Variants in LARS2 observed in about 807,000 individuals in gnomAD.
LARS2 encodes leucine--tRNA ligase, mitochondrial.
In LARS2, 81 loss-of-function variants were observed where a neutral mutation model predicts 116.6. The ratio of observed to expected loss-of-function variants is 0.69; its 90% CI spans 0.58 to 0.84. LARS2 has a LOEUF of 0.84. Ranked by LOEUF, LARS2 falls within the 40% of genes least tolerant of loss-of-function variation. LARS2 has a pLI of 0.00. For missense variants in LARS2, 968 were observed against 1,114.5 expected (o/e 0.87, Z 1.87); for synonymous variants, 396 against 407.2 (o/e 0.97, Z 0.33).
intron 7 of LARS2, among the ~76,000 whole-genome samples, chr3:45,449,218 A>G (rs1455717646): frequency 6.9e-6 from 1 of 145,206 alleles, no homozygotes; most frequent in Non-Finnish European, 1.5e-5. Context: ...GTTGGAGCGC[A>G]ATGGTGTGAT....
intron 9 of LARS2, among the ~76,000 whole-genome samples, 185 bp downstream of exon 9, chr3:45,474,535 T>A (rs999114235): frequency 6.6e-6 from 1 of 152,226 alleles, no homozygotes; most frequent in African/African-American, 2.4e-5. Flanking sequence ...TTCAATAACA[T>A]ATTTTATTTA....
intron 20 of LARS2, among the ~76,000 whole-genome samples, chr3:45,533,561 G>T (rs267248): frequency 0.88 from 134,435 of 152,148 alleles, 61,696 homozygotes; most frequent in East Asian, 1. Context: ...TATATATTTC[G>T]CCCGTTCATC....
At chr3:45,429,698 CTTT>C (rs35874596) in intron 6 of LARS2, among the ~76,000 whole-genome samples, 2 of 108,136 alleles carry the variant, frequency 1.8e-5, no homozygotes, top group Non-Finnish European at 1.8e-5. Context: ...CATCCTTCTG[CTTT>C]TTTTTTTTTT....
At chr3:45,497,184 G>A (rs977146357) in intron 14 of LARS2, among the ~76,000 whole-genome samples, 5 of 151,666 alleles carry the variant, frequency 3.3e-5, no homozygotes, top group African/African-American at 9.7e-5. Flanking sequence ...GTGGCTAAGA[G>A]ACAGGCCTGA....
At chr3:45,439,637 TTA>T (rs1698872552) in intron 6 of LARS2, among the ~76,000 whole-genome samples, 1 of 151,694 alleles carries the variant, frequency 6.6e-6, no homozygotes, top group Non-Finnish European at 1.5e-5. Context: ...TTTTTTTTTT[TTA>T]TGTTTGTTTT....
intron 3 of LARS2, among the ~76,000 whole-genome samples, chr3:45,399,356 C>G (rs1698103706): frequency 6.6e-6 from 1 of 152,202 alleles, no homozygotes; most frequent in African/African-American, 2.4e-5. Flanking sequence ...CTATGTGATT[C>G]AACTATTGCT....
intron 8 of LARS2, among the ~76,000 whole-genome samples, chr3:45,474,018 G>A (rs1559480539): frequency 6.6e-6 from 1 of 152,068 alleles, no homozygotes; most frequent in African/African-American, 2.4e-5. Context: ...TGACTCCCTT[G>A]GGACAGCGAA....
At chr3:45,441,120 G>T (rs1275107351) in intron 6 of LARS2, among the ~76,000 whole-genome samples, 1 of 149,724 alleles carries the variant, frequency 6.7e-6, no homozygotes, top group East Asian at 2.0e-4. Context: ...CCACCTCCAG[G>T]TTCAAGCAAT....
At chr3:45,459,036 T>C in intron 8 of LARS2, 150 bp downstream of exon 8, 1 of 734,762 alleles carries the variant, frequency 1.4e-6, no homozygotes, top group Non-Finnish European at 2.3e-6. Context: ...CAGCTGAGCC[T>C]CATCACTCAC....
Position 45,480,383 on chromosome 3 carries a change from A to C in LARS2, c.1018+3756A>C, listed in dbSNP as rs181868721. 3.9e-4 allele frequency among the ~76,000 whole-genome samples: 60 copies of C among 152,390 alleles called. 1 individual carries two copies. The East Asian group carries it at 0.011, about 29-fold the overall frequency. On this transcript the variant is annotated intron_variant, in intron 10 of 21. Transcript: ENST00000645846. The stretch of plus-strand genomic sequence containing the variant: ...ATGGACTGCCGCCTTGGTGAACACC[A>C]AATGTAAGTCATTTGTCTGTTTTTC...
intron 21 of LARS2, among the ~76,000 whole-genome samples, chr3:45,544,599 C>A (rs1575324460): frequency 6.6e-6 from 1 of 152,294 alleles, no homozygotes; most frequent in South Asian, 2.1e-4. Flanking sequence ...TTGTTGTTAT[C>A]CCCATTCACA....
At chr3:45,539,575 G>C (rs1444942247) in intron 20 of LARS2, among the ~76,000 whole-genome samples, 1 of 152,124 alleles carries the variant, frequency 6.6e-6, no homozygotes, top group African/African-American at 2.4e-5. Flanking sequence ...AGGTTGCAGT[G>C]AGCCAAGATC....
At chr3:45,419,059 T>A (rs854201) in intron 5 of LARS2, among the ~76,000 whole-genome samples, 112,824 of 152,158 alleles carry the variant, frequency 0.74, 43,181 homozygotes, top group African/African-American at 0.89. Flanking sequence ...TCTGCTAGAA[T>A]CTAAAAGAGG....
chr3:45,517,909 C>T lies in LARS2; in HGVS notation c.2051C>T (p.Ala684Val). The T allele has an allele frequency of 1.2e-6, 2 of 1,610,974 alleles. No individual in the cohort carries two copies. Among genetic ancestry groups the T allele is most frequent in the Non-Finnish European group, 1.7e-6 (2 of 1,178,772 alleles). ...TTACTGATGCTGAATTCAGCTGATG[C>T]TCTCCCTGGGGTGCTGAGATGGCAA... ...KDILWDVKTD[A>V]LPGVLRWQQR... The change falls in exon 18 of 22, where the codon GCT becomes GTT. Residue 684 changes from alanine to valine, a missense_variant. Coordinates refer to ENST00000645846, the MANE Select transcript of LARS2 (RefSeq NM_015340.4).
At chr3:45,448,887 A>T (rs560005113) in intron 7 of LARS2, among the ~76,000 whole-genome samples, 1 of 152,338 alleles carries the variant, frequency 6.6e-6, no homozygotes, top group Non-Finnish European at 1.5e-5. Flanking sequence ...ACAGTGTTGC[A>T]GAGATTTTGT....
At chr3:45,415,882 G>T (rs1221342687) in intron 4 of LARS2, among the ~76,000 whole-genome samples, 4 of 102,092 alleles carry the variant, frequency 3.9e-5, no homozygotes, top group South Asian at 2.7e-4. Flanking sequence ...TATATAGAGA[G>T]AGAGAGAGAG....
At chr3:45,446,818 T>A in intron 6 of LARS2, 73 bp from the exon 7 acceptor site, 1 of 845,850 alleles carries the variant, frequency 1.2e-6, no homozygotes, top group Admixed American at 2.4e-5. Context: ...AAAATTCAGT[T>A]GCAAGACTGA....
In LARS2 at chr3:45,474,228, C is replaced by T. The variant is rs1221197362; in HGVS notation, c.751-15C>T. On this transcript the variant is annotated splice_polypyrimidine_tract_variant and intron_variant, in intron 8 of 21. Coordinates refer to ENST00000645846, the MANE Select transcript of LARS2 (RefSeq NM_015340.4). Reference sequence around the variant, plus strand: ...CTTGTGCCTCTACTTCTTTGTTCTCCTTTCATTTGCACAGGCCATGCAGGA... The same window carrying T: ...CTTGTGCCTCTACTTCTTTGTTCTCTTTTCATTTGCACAGGCCATGCAGGA... The T allele has an allele frequency of 3.2e-6, 5 of 1,546,394 alleles. No individual in the cohort carries two copies. The highest frequency in any genetic ancestry group is 3.4e-5 in the Admixed American group (2 of 58,562).
chr3:45,524,486 A>T (rs567534025), intron 20 of LARS2, among the ~76,000 whole-genome samples: 1 of 152,282 alleles, frequency 6.6e-6, no homozygotes, highest in African/African-American at 2.4e-5. Flanking sequence ...CTAAACTTAC[A>T]CTGTAATTCA....
Sources: allele counts gnomAD v4.1 joint callset (sites outside exome capture counted in the v4.1 genomes callset), GRCh38; gene constraint gnomAD v4.1.1; transcripts MANE v1.5; gene names NCBI Gene and HGNC (gene_info 2026-07-23, HGNC 2026-07-21).